CCDC201: variants seen among roughly 807,000 people sequenced by gnomAD.
The protein encoded by CCDC201 is coiled-coil domain-containing protein 201.
chr7:45,866,860 C>T (rs1188761414), intron 1 of CCDC201, among the ~76,000 whole-genome samples: 1 of 152,048 alleles, frequency 6.6e-6, no homozygotes, highest in Admixed American at 6.6e-5. Flanking sequence ...TGAAATCATC[C>T]TGACTTGTAG....
chr7:45,876,283 C>T (rs1044291304), upstream of CCDC201, among the ~76,000 whole-genome samples: 2 of 152,168 alleles, frequency 1.3e-5, no homozygotes, highest in African/African-American at 4.8e-5. Flanking sequence ...AACCCTCTTA[C>T]CTGGTGAGGA....
the CCDC201 span, among the ~76,000 whole-genome samples, chr7:45,878,943 A>G: frequency 6.6e-6 from 1 of 152,252 alleles, no homozygotes; most frequent in African/African-American, 2.4e-5. Context: ...CTCTTTGCAC[A>G]TGCATATGAG....
chr7:45,864,163 G>A (rs962998658), intron 2 of CCDC201, among the ~76,000 whole-genome samples: 16 of 152,292 alleles, frequency 1.1e-4, no homozygotes, highest in African/African-American at 3.4e-4. Flanking sequence ...GCTGTGTGGC[G>A]CAGGCACTGC....
intron 1 of CCDC201, among the ~76,000 whole-genome samples, chr7:45,869,383 C>A (rs751792772): frequency 2.0e-5 from 3 of 152,182 alleles, no homozygotes; most frequent in Non-Finnish European, 4.4e-5. Context: ...ACAGAAGCAG[C>A]AACAATGAGG....
upstream of CCDC201, among the ~76,000 whole-genome samples, chr7:45,873,475 A>G (rs1331853455): frequency 2.0e-5 from 3 of 151,940 alleles, no homozygotes; most frequent in East Asian, 1.9e-4. Context: ...ACTCCTTACC[A>G]GTCAGTCCTT....
chr7:45,862,558 T>C (rs541590826), exon 3 of CCDC201: 2 of 152,156 alleles, frequency 1.3e-5, no homozygotes, highest in South Asian at 4.1e-4. Context: ...ACCATAACCA[T>C]AGGGTTGGAA....
chr7:45,881,091 T>A, the CCDC201 span, among the ~76,000 whole-genome samples: 1 of 152,346 alleles, frequency 6.6e-6, no homozygotes, highest in African/African-American at 2.4e-5. Context: ...AGTACAGTCG[T>A]GACTTTCCTG....
chr7:45,878,128 G>C, the CCDC201 span, among the ~76,000 whole-genome samples: 1 of 152,234 alleles, frequency 6.6e-6, no homozygotes, highest in Non-Finnish European at 1.5e-5. Context: ...AGTGATGCAA[G>C]GGGTGTTCTC....
chr7:45,879,387 C>G, the CCDC201 span, among the ~76,000 whole-genome samples: 946 of 152,296 alleles, frequency 6.2e-3, 36 homozygotes, highest in Admixed American at 0.057. Flanking sequence ...TTAGTTCATT[C>G]TCATGCTGCT....
In CCDC201 at chr7:45,871,179, G is replaced by C. The variant is rs184264639; in HGVS notation, c.18+1811C>G. 6.4e-4 allele frequency among the ~76,000 whole-genome samples: 97 copies of C among 152,262 alleles called. 1 individual carries two copies. The highest frequency in any genetic ancestry group is 5.3e-3 in the Admixed American group (81 of 15,298). ...CAGATGACCCAGACATGCATAGGAGGATGTCATGTGGCAGAAGGTACATCT... is the reference window on the plus strand; with the variant it reads ...CAGATGACCCAGACATGCATAGGAGCATGTCATGTGGCAGAAGGTACATCT... On this transcript the variant is annotated intron_variant, in intron 1 of 2. Transcript: ENST00000636578.
Position 45,869,848 on chromosome 7 carries a change from C to T in CCDC201, c.18+3142G>A, listed in dbSNP as rs1022368531. Among the ~76,000 whole-genome samples the T allele has an allele frequency of 9.5e-5, 14 of 146,976 alleles. No homozygotes were observed. The South Asian group carries it at 1.1e-3, about 11-fold the overall frequency. On this transcript the variant is annotated intron_variant, in intron 1 of 2. Coordinates refer to ENST00000636578, the Ensembl canonical transcript of CCDC201. Reference sequence around the variant, plus strand: ...TTTTTTTTTTTTTGAGACAGAGTCTCGCTCTGTCACCCAGGTTGGAGTGCA... The same window carrying T: ...TTTTTTTTTTTTTGAGACAGAGTCTTGCTCTGTCACCCAGGTTGGAGTGCA...
chr7:45,877,713 G>A (rs1014439826), upstream of CCDC201, among the ~76,000 whole-genome samples: 2 of 152,180 alleles, frequency 1.3e-5, no homozygotes, highest in East Asian at 1.9e-4. Context: ...CCCTCCTTCA[G>A]CATTGGGAAT....
chr7:45,884,019 C>CTTTTTCTT, the CCDC201 span, among the ~76,000 whole-genome samples: 4 of 55,264 alleles, frequency 7.2e-5, no homozygotes, highest in Admixed American at 7.9e-4. Context: ...TTTTCTTTCT[C>CTTTTTCTT]TCTCTTTCTT....
upstream of CCDC201, among the ~76,000 whole-genome samples, chr7:45,874,156 G>C (rs1018190931): frequency 2.6e-5 from 4 of 151,940 alleles, no homozygotes; most frequent in Admixed American, 2.6e-4. Flanking sequence ...TGCGTGATCT[G>C]CCCGCCTGGC....
chr7:45,865,607 C>T (rs1786659406), intron 2 of CCDC201, among the ~76,000 whole-genome samples: 1 of 152,298 alleles, frequency 6.6e-6, no homozygotes, highest in East Asian at 1.9e-4. Context: ...CAGACCTTCC[C>T]TGTCACCCCA....
the CCDC201 span, among the ~76,000 whole-genome samples, chr7:45,883,286 AAC>A: frequency 1.3e-5 from 2 of 150,914 alleles, no homozygotes; most frequent in Non-Finnish European, 3.0e-5. Context: ...CACACACCCC[AAC>A]ACACACACAC....
At chr7:45,875,452 A>G (rs1283692155), upstream of CCDC201, among the ~76,000 whole-genome samples, 1 of 152,010 alleles carries the variant, frequency 6.6e-6, no homozygotes, top group Non-Finnish European at 1.5e-5. Flanking sequence ...AAAAAAAAAA[A>G]AAAAAAAGAA....
At chr7:45,869,822 T>G (rs7456307) in intron 1 of CCDC201, among the ~76,000 whole-genome samples, 29,717 of 149,532 alleles carry the variant, frequency 0.2, 2,984 homozygotes, top group African/African-American at 0.27. Context: ...GCTCCACATT[T>G]TTTTTTTTTT....
At chr7:45,875,247 C>A (rs1433225786), upstream of CCDC201, among the ~76,000 whole-genome samples, 1 of 152,096 alleles carries the variant, frequency 6.6e-6, no homozygotes, top group African/African-American at 2.4e-5. Flanking sequence ...GTAATCCCAG[C>A]ACTTTGGGAG....
Sources: gnomAD v4.1 joint callset for allele counts (sites outside exome capture counted in the v4.1 genomes callset) on GRCh38, gnomAD v4.1.1 for gene constraint, MANE v1.5 for transcripts, NCBI Gene and HGNC (gene_info 2026-07-23, HGNC 2026-07-21) for gene names.